Variants in GXYLT2 observed in about 807,000 individuals in gnomAD.
The protein encoded by GXYLT2 is glucoside xylosyltransferase 2.
GXYLT2 carries 53 observed loss-of-function variants against 45.8 expected under a neutral mutation model. That is an observed-to-expected ratio of 1.16 (90% confidence interval 0.93 to 1.46). The LOEUF (loss-of-function observed/expected upper bound fraction) is 1.46, where lower values mean the gene tolerates loss of function less well. Ranked by LOEUF, GXYLT2 falls within the 40% of genes most tolerant of loss-of-function variation. GXYLT2 has a pLI of 0.00. For missense variants in GXYLT2, 551 were observed against 544.4 expected (o/e 1.01, Z -0.12); for synonymous variants, 219 against 214.2 (o/e 1.02, Z -0.19).
At chr3:72,936,643 A>C (rs993584211) in intron 3 of GXYLT2, among the ~76,000 whole-genome samples, 6 of 136,100 alleles carry the variant, frequency 4.4e-5, no homozygotes, top group South Asian at 2.5e-4. Flanking sequence ...CCATCTCAAA[A>C]AACAACAACA....
chr3:72,945,413 G>A (rs1349124200), intron 3 of GXYLT2, among the ~76,000 whole-genome samples: 4 of 152,224 alleles, frequency 2.6e-5, no homozygotes, highest in Admixed American at 6.5e-5. Flanking sequence ...CATGGGCCAG[G>A]CACACAGACT....
At position 72,955,146 on chromosome 3, in the gene GXYLT2, C is replaced by T; in HGVS notation, c.649C>T (p.Leu217Phe). The change falls in exon 4 of 7, where the codon CTC (leucine) becomes TTC (phenylalanine). Residue 217 changes from leucine (L) to phenylalanine (F), a missense_variant. Physicochemically the swap from Leu to Phe is conservative, Grantham distance 22. Coordinates refer to ENST00000389617, the MANE Select transcript of GXYLT2 (RefSeq NM_001080393.2). ...ACTTCTCTACGTGGACACCGATGTC[C>T]TCTTTCTGAGACCTGTTGATGACAT... ...DSLLYVDTDV[L>F]FLRPVDDIWK... is the part of the protein sequence containing the mutation. 6.2e-7 allele frequency: 1 copy of T among 1,613,970 alleles called. No individual in the cohort carries two copies. Among genetic ancestry groups the T allele is most frequent in the Non-Finnish European group, 8.5e-7 (1 of 1,179,864 alleles).
chr3:72,945,283 A>G (rs927596329), intron 3 of GXYLT2, among the ~76,000 whole-genome samples: 2 of 119,352 alleles, frequency 1.7e-5, no homozygotes, highest in African/African-American at 6.5e-5. Context: ...GCAAGACTCC[A>G]TCTCAAAAAA....
chr3:72,965,456 C>G (rs754391162), intron 5 of GXYLT2, among the ~76,000 whole-genome samples: 9 of 152,154 alleles, frequency 5.9e-5, no homozygotes, highest in Non-Finnish European at 1.3e-4. Flanking sequence ...TGTGCTCTCT[C>G]ACAGGGTCTT....
chr3:72,909,976 G>T (rs1261641163), intron 2 of GXYLT2, among the ~76,000 whole-genome samples: 1 of 152,136 alleles, frequency 6.6e-6, no homozygotes, highest in Non-Finnish European at 1.5e-5. Flanking sequence ...AAAGTACCTT[G>T]ACATCTTTAC....
chr3:72,928,765 C>T (rs1449960203), intron 3 of GXYLT2, among the ~76,000 whole-genome samples: 1 of 145,068 alleles, frequency 6.9e-6, no homozygotes, highest in Non-Finnish European at 1.5e-5. Flanking sequence ...GCAATTTGTG[C>T]TCCACTGAGG....
intron 6 of GXYLT2, among the ~76,000 whole-genome samples, chr3:72,974,606 T>A (rs1024084342): frequency 1.1e-4 from 16 of 152,290 alleles, no homozygotes; most frequent in Non-Finnish European, 2.2e-4. Context: ...AATTTTTTTT[T>A]AATTTTATTA....
chr3:72,903,124 C>CT (rs1709438473), intron 1 of GXYLT2, among the ~76,000 whole-genome samples: 1 of 152,194 alleles, frequency 6.6e-6, no homozygotes, highest in Non-Finnish European at 1.5e-5. Flanking sequence ...AATGGAATAG[C>CT]TTTCTCCCTG....
intron 1 of GXYLT2, among the ~76,000 whole-genome samples, chr3:72,897,485 A>G (rs959977095): frequency 1.6e-4 from 25 of 152,184 alleles, no homozygotes; most frequent in Non-Finnish European, 2.4e-4. Flanking sequence ...TGTGTTTCCA[A>G]TCACCGATGG....
At chr3:72,894,701 T>C (rs777739125) in intron 1 of GXYLT2, among the ~76,000 whole-genome samples, 1 of 152,218 alleles carries the variant, frequency 6.6e-6, no homozygotes, top group Non-Finnish European at 1.5e-5. Flanking sequence ...ACACGGGCTA[T>C]ACAGGGGATT....
intron 1 of GXYLT2, among the ~76,000 whole-genome samples, chr3:72,889,610 TAC>T (rs1033457457): frequency 8.5e-5 from 13 of 152,200 alleles, no homozygotes; most frequent in African/African-American, 2.9e-4. Context: ...TCTGGATGTA[TAC>T]AGTCTTTAAG....
chr3:72,965,163 G>C (rs1459856650), intron 5 of GXYLT2, among the ~76,000 whole-genome samples: 1 of 152,186 alleles, frequency 6.6e-6, no homozygotes, highest in Non-Finnish European at 1.5e-5. Context: ...CCTGAGAAAA[G>C]AGAAATGTCA....
chr3:72,933,338 T>C (rs1710080022), intron 3 of GXYLT2, among the ~76,000 whole-genome samples: 1 of 152,200 alleles, frequency 6.6e-6, no homozygotes, highest in Admixed American at 6.5e-5. Flanking sequence ...CCAGCATAAT[T>C]AGCATCATAG....
At position 72,976,361 on chromosome 3, in the gene GXYLT2, T is replaced by C. The variant is rs888491403; in HGVS notation, c.*1202T>C. The C allele has an allele frequency of 6.6e-6, 1 of 152,244 alleles. No individual in the cohort carries two copies. Among genetic ancestry groups the C allele is most frequent in the Admixed American group, 6.5e-5 (1 of 15,290 alleles). The allele number at this position is 152,244 out of a possible 1,614,324, so 9.4% of individuals were successfully genotyped here. Reference sequence around the variant, plus strand: ...TTTGTGTTTACCACAGACAAAAACATTTGATCTGTTAATCATCAGTAGCTG... The same window carrying C: ...TTTGTGTTTACCACAGACAAAAACACTTGATCTGTTAATCATCAGTAGCTG... On this transcript the variant is annotated 3_prime_UTR_variant, in exon 7 of 7. Transcript: ENST00000389617.
intron 3 of GXYLT2, among the ~76,000 whole-genome samples, chr3:72,953,704 T>C (rs1182413753): frequency 6.6e-6 from 1 of 152,214 alleles, no homozygotes; most frequent in Non-Finnish European, 1.5e-5. Context: ...ATTTACTATC[T>C]GGCCCTTTAG....
At chr3:72,895,853 A>ACAT (rs1709280723) in intron 1 of GXYLT2, among the ~76,000 whole-genome samples, 1 of 152,236 alleles carries the variant, frequency 6.6e-6, no homozygotes, top group Non-Finnish European at 1.5e-5. Context: ...AGTGACTTTT[A>ACAT]GATGATCCCC....
At chr3:72,917,062 C>T (rs762584213) in intron 2 of GXYLT2, among the ~76,000 whole-genome samples, 4 of 151,990 alleles carry the variant, frequency 2.6e-5, no homozygotes, top group African/African-American at 7.2e-5. Flanking sequence ...TTAAACCTTT[C>T]GGAAGATAGG....
At chr3:72,930,620 G>A (rs1446145375) in intron 3 of GXYLT2, among the ~76,000 whole-genome samples, 4 of 126,484 alleles carry the variant, frequency 3.2e-5, no homozygotes, top group Non-Finnish European at 6.4e-5. Flanking sequence ...TTGACACAGG[G>A]TTTCACTCTG....
At chr3:72,974,954 A>G (rs543209887) in intron 6 of GXYLT2, 23 bp from the exon 7 acceptor site, 4 of 1,514,736 alleles carry the variant, frequency 2.6e-6, no homozygotes, top group African/African-American at 1.4e-5. Context: ...TACTAAATAA[A>G]CTTTTTTTTT....
Sources: allele counts gnomAD v4.1 joint callset (sites outside exome capture counted in the v4.1 genomes callset), GRCh38; gene constraint gnomAD v4.1.1; transcripts MANE v1.5; gene names NCBI Gene and HGNC (gene_info 2026-07-23, HGNC 2026-07-21).